LRRC7: variants seen among roughly 807,000 people sequenced by gnomAD.
LRRC7 encodes leucine rich repeat containing 7, also known as leucine-rich repeat-containing protein 7.
A neutral mutation model predicts 175.7 loss-of-function variants in LRRC7; 23 were observed. The observed-to-expected ratio is 0.13, with a 90% CI of 0.09 to 0.19. The LOEUF (loss-of-function observed/expected upper bound fraction) is 0.19, where lower values mean the gene tolerates loss of function less well. Ranked by LOEUF, LRRC7 falls within the 10% of genes least tolerant of loss-of-function variation. The pLI is 1.00. For missense variants in LRRC7, 1,354 were observed against 1,904.7 expected, an observed-to-expected ratio of 0.71 and a Z score of 5.38; for synonymous variants, 685 against 680.9, an observed-to-expected ratio of 1.01 and a Z score of -0.09.
chr1:69,892,662 C>T (rs973362722), intron 7 of LRRC7, among the ~76,000 whole-genome samples: 2 of 152,156 alleles, frequency 1.3e-5, no homozygotes, highest in African/African-American at 4.8e-5. Flanking sequence ...TATTTATTTA[C>T]TGGACATGCC....
chr1:69,617,572 A>AAAAAAAAAAAAAAAAAAAAAAAAAAC (rs1649856695), intron 1 of LRRC7, among the ~76,000 whole-genome samples: 1 of 149,152 alleles, frequency 6.7e-6, no homozygotes, highest in Non-Finnish European at 1.5e-5. Context: ...AAAAAAAAAA[A>AAAAAAAAAAAAAAAAAAAAAAAAAAC]TCAGAACTAC....
chr1:69,753,478 T>C (rs1362790070), intron 2 of LRRC7, among the ~76,000 whole-genome samples: 1 of 152,032 alleles, frequency 6.6e-6, no homozygotes, highest in Non-Finnish European at 1.5e-5. Flanking sequence ...AATTATTTTG[T>C]GTATGACCCT....
chr1:69,930,164 G>A (rs899639784), intron 7 of LRRC7, among the ~76,000 whole-genome samples: 1 of 151,878 alleles, frequency 6.6e-6, no homozygotes, highest in African/African-American at 2.4e-5. Context: ...TGTTTACTCT[G>A]ATTCTTCCCT....
intron 11 of LRRC7, among the ~76,000 whole-genome samples, chr1:69,999,592 A>G (rs1488878707): frequency 6.6e-6 from 1 of 152,186 alleles, no homozygotes; most frequent in Non-Finnish European, 1.5e-5. Flanking sequence ...CTGTCCAGAA[A>G]ACCACTGAAG....
chr1:69,946,369 G>T (rs1168803919), intron 8 of LRRC7, among the ~76,000 whole-genome samples: 3 of 152,076 alleles, frequency 2.0e-5, no homozygotes, highest in African/African-American at 7.2e-5. Flanking sequence ...TGTTTATTAA[G>T]CTGTCGTTGG....
intron 2 of LRRC7, among the ~76,000 whole-genome samples, chr1:69,753,487 C>A (rs1266697546): frequency 1.3e-5 from 2 of 151,878 alleles, no homozygotes; most frequent in African/African-American, 2.4e-5. Flanking sequence ...GTGTATGACC[C>A]TATGCACATC....
intron 7 of LRRC7, among the ~76,000 whole-genome samples, chr1:69,838,535 T>G (rs1681369922): frequency 6.6e-6 from 1 of 151,898 alleles, no homozygotes; most frequent in African/African-American, 2.4e-5. Context: ...TGAAGATACA[T>G]GCCAGAAAAG....
intron 1 of LRRC7, among the ~76,000 whole-genome samples, chr1:69,628,143 A>T (rs1651901701): frequency 6.6e-6 from 1 of 152,184 alleles, no homozygotes; most frequent in Non-Finnish European, 1.5e-5. Flanking sequence ...TAATGCTATA[A>T]GAGAAAAGAA....
Position 69,609,632 on chromosome 1 carries a change from A to G in LRRC7, c.2+40991A>G, listed in dbSNP as rs982162597. ...ATATGTGATGGTGCTCAGCTGGTAC[A>G]TAGAATGGATGCTATTTGAACCTGT... On this transcript the variant is annotated intron_variant, in intron 1 of 26. Transcript: ENST00000651989. Among the ~76,000 whole-genome samples, 127 of 152,078 alleles carry G rather than the reference A, an allele frequency of 8.4e-4. 1 individual carries two copies. Among genetic ancestry groups the G allele is most frequent in the African/African-American group, 3.0e-3 (124 of 41,440 alleles).
intron 7 of LRRC7, among the ~76,000 whole-genome samples, chr1:69,872,309 A>G (rs1451876640): frequency 6.6e-6 from 1 of 152,054 alleles, no homozygotes; most frequent in African/African-American, 2.4e-5. Flanking sequence ...AGAAATGGGG[A>G]GAAACTTAAA....
intron 2 of LRRC7, chr1:69,716,069 G>A: frequency 2.5e-6 from 1 of 397,448 alleles, no homozygotes; most frequent in Non-Finnish European, 4.6e-6. Context: ...TGCTTATTAT[G>A]TTCATTTAGA....
Position 70,142,926 on chromosome 1 carries a change from A to AT in LRRC7, c.*21045dup, listed in dbSNP as rs1279278442. On this transcript the variant is annotated 3_prime_UTR_variant, in exon 27 of 27. Transcript: ENST00000651989. ...TGTTTTCTAAGTATCTATGAAAATTATTTTTTCCTAAACGATTTCATAATT... is the reference window on the plus strand; with the variant it reads ...TGTTTTCTAAGTATCTATGAAAATTATTTTTTTCCTAAACGATTTCATAATT... 15 of 152,020 alleles carry AT rather than the reference A, an allele frequency of 9.9e-5. No individual in the cohort carries two copies. The highest frequency in any genetic ancestry group is 6.2e-4 in the South Asian group (3 of 4,824). The allele number at this position is 152,020 out of a possible 1,614,324, so 9.4% of individuals were successfully genotyped here.
chr1:69,813,678 G>T (rs1329778483), intron 4 of LRRC7, among the ~76,000 whole-genome samples: 1 of 152,144 alleles, frequency 6.6e-6, no homozygotes, highest in Non-Finnish European at 1.5e-5. Context: ...TACTGTAAAT[G>T]GTTGTTCAGC....
At chr1:69,652,200 A>G (rs1163316823) in intron 1 of LRRC7, among the ~76,000 whole-genome samples, 1 of 152,016 alleles carries the variant, frequency 6.6e-6, no homozygotes, top group Non-Finnish European at 1.5e-5. Context: ...AATAAGAAAG[A>G]GGTACAATTT....
chr1:69,743,209 A>T (rs1439118053), intron 2 of LRRC7, among the ~76,000 whole-genome samples: 1 of 152,050 alleles, frequency 6.6e-6, no homozygotes, highest in Non-Finnish European at 1.5e-5. Context: ...GGTTAGGGTC[A>T]AGATAAATCC....
At chr1:69,648,985 T>G (rs1655395664) in intron 1 of LRRC7, among the ~76,000 whole-genome samples, 1 of 152,250 alleles carries the variant, frequency 6.6e-6, no homozygotes, top group South Asian at 2.1e-4. Flanking sequence ...AATATTCTTT[T>G]GAGAAAGTAA....
chr1:70,087,428 G>T (rs1663697030), intron 24 of LRRC7, among the ~76,000 whole-genome samples: 1 of 152,054 alleles, frequency 6.6e-6, no homozygotes. Flanking sequence ...GAAATGCATA[G>T]AAACATTGAA....
intron 7 of LRRC7, among the ~76,000 whole-genome samples, chr1:69,857,245 T>C (rs568292646): frequency 6.6e-6 from 1 of 152,142 alleles, no homozygotes; most frequent in African/African-American, 2.4e-5. Flanking sequence ...TTCAACATAG[T>C]GTTGGAAATT....
chr1:70,120,810 C>A (rs1666164032), intron 26 of LRRC7, among the ~76,000 whole-genome samples: 1 of 152,006 alleles, frequency 6.6e-6, no homozygotes, highest in African/African-American at 2.4e-5. Context: ...GCAAAGAAAG[C>A]AATTACATAA....
Sources: allele counts gnomAD v4.1 joint callset (sites outside exome capture counted in the v4.1 genomes callset), GRCh38; gene constraint gnomAD v4.1.1; transcripts MANE v1.5; gene names NCBI Gene and HGNC (gene_info 2026-07-23, HGNC 2026-07-21).